Variants in LRRK2 observed in about 807,000 individuals in gnomAD.
The protein encoded by LRRK2 is leucine rich repeat kinase 2.
LRRK2 carries 203 observed loss-of-function variants against 302.6 expected under a neutral mutation model. That is an observed-to-expected ratio of 0.67 (90% CI 0.60 to 0.75). LRRK2 has a LOEUF of 0.75. Ranked by LOEUF, LRRK2 falls within the 30% of genes least tolerant of loss-of-function variation. LRRK2 has a pLI of 0.00. For missense variants in LRRK2, 2,830 were observed against 2,951.0 expected (o/e 0.96, Z 0.95); for synonymous variants, 1,066 against 1,031.9 (o/e 1.03, Z -0.63).
At chr12:40,254,714 G>A (rs1307120285) in intron 11 of LRRK2, among the ~76,000 whole-genome samples, 1 of 152,110 alleles carries the variant, frequency 6.6e-6, no homozygotes, top group East Asian at 1.9e-4. Flanking sequence ...GCTTCCTATT[G>A]TGGTGTCTGA....
Position 40,340,322 on chromosome 12 carries a change from C to A in LRRK2, c.5977C>A (p.Arg1993=). The stretch of plus-strand genomic sequence containing the variant: ...CCTCCACTCAGCCATGATTATATAC[C>A]GAGACCTGAAACCCCACAATGTGCT... ...RYLHSAMIIY[R]DLKPHNVLLF... Residue 1993 remains arginine, a synonymous_variant, in exon 41 of 51, where the codon CGA becomes AGA. Coordinates refer to ENST00000298910, the MANE Select transcript of LRRK2 (RefSeq NM_198578.4). 1 of 1,613,648 alleles carries A rather than the reference C, an allele frequency of 6.2e-7. No homozygotes were observed. Among genetic ancestry groups the A allele is most frequent in the South Asian group, 1.1e-5 (1 of 91,066 alleles).
At chr12:40,357,715 T>C (rs1946581680) in intron 46 of LRRK2, among the ~76,000 whole-genome samples, 1 of 152,220 alleles carries the variant, frequency 6.6e-6, no homozygotes, top group Admixed American at 6.5e-5. Context: ...TTTTTTTTCA[T>C]ATATCCATTG....
intron 41 of LRRK2, among the ~76,000 whole-genome samples, chr12:40,341,048 C>G (rs17520376): frequency 0.012 from 1,787 of 152,288 alleles, 40 homozygotes; most frequent in African/African-American, 0.041. Flanking sequence ...ACATCACTGT[C>G]TACCCTGTGG....
chr12:40,257,190 T>A, intron 11 of LRRK2, 58 bp from the exon 12 acceptor site: 1 of 1,261,726 alleles, frequency 7.9e-7, no homozygotes, highest in Non-Finnish European at 1.1e-6. Flanking sequence ...CTAAAGCTTA[T>A]GGTAAAATTA....
chr12:40,229,531 T>A (rs1459431114), intron 2 of LRRK2, among the ~76,000 whole-genome samples: 1 of 152,170 alleles, frequency 6.6e-6, no homozygotes, highest in Admixed American at 6.5e-5. Flanking sequence ...AAATTTTACA[T>A]CTCTTTATTC....
In LRRK2 at chr12:40,274,668, C is replaced by T. The variant is rs202191866; in HGVS notation, c.1742C>T (p.Ser581Phe). The T allele has an allele frequency of 1.2e-6, 2 of 1,613,934 alleles. No homozygotes were observed. The highest frequency in any genetic ancestry group is 1.7e-6 in the Non-Finnish European group (2 of 1,179,908). ...TTTCCTGATGCATTAGAGATGTTAT[C>T]CCTGGAAGGTGCTATGGATTCAGTG... Reference protein sequence around the residue: ...VHFPDALEMLSLEGAMDSVLH... With the variant: ...VHFPDALEMLFLEGAMDSVLH... Residue 581 changes from serine (S) to phenylalanine (F), a missense_variant, in exon 15 of 51, where the codon TCC becomes TTC. Physicochemically the swap from Ser to Phe is radical, Grantham distance 155 (BLOSUM62 -2). Around this residue, in one of 3 missense-constraint regions of LRRK2, gnomAD observed 2,121 missense variants for 2,148.0 expected, o/e 0.99. Transcript: ENST00000298910.
intron 46 of LRRK2, among the ~76,000 whole-genome samples, chr12:40,356,611 T>G (rs778178006): frequency 6.6e-6 from 1 of 152,224 alleles, no homozygotes; most frequent in Non-Finnish European, 1.5e-5. Context: ...ATTAAAGCAT[T>G]CATTTCTCTA....
intron 13 of LRRK2, among the ~76,000 whole-genome samples, chr12:40,262,351 T>C (rs566013654): frequency 3.3e-5 from 5 of 152,266 alleles, no homozygotes; most frequent in Middle Eastern, 3.4e-3. Flanking sequence ...TATTTTGGTA[T>C]TGTATGGACT....
intron 25 of LRRK2, among the ~76,000 whole-genome samples, chr12:40,301,316 C>T (rs769282358): frequency 1.3e-5 from 2 of 152,032 alleles, no homozygotes; most frequent in Admixed American, 1.3e-4. Flanking sequence ...CCCAGCTACT[C>T]GGGAGGCTGA....
At position 40,304,374 on chromosome 12, in the gene LRRK2, A is replaced by G. The variant is rs115595128; in HGVS notation, c.3777+240A>G. 831 of 574,734 alleles carry G rather than the reference A, an allele frequency of 1.4e-3. 4 individuals carry two copies. The highest frequency in any genetic ancestry group is 0.014 in the African/African-American group (753 of 53,290). The allele number at this position is 574,734 out of a possible 1,614,324, so 35.6% of individuals were successfully genotyped here. ...TCACACCGACAATTTAAAAAAATCT[A>G]CTTTTAAAAATAAGGTAGTAGCCTT... On this transcript the variant is annotated intron_variant, in intron 27 of 50. Coordinates refer to ENST00000298910, the MANE Select transcript of LRRK2 (RefSeq NM_198578.4).
At chr12:40,350,275 T>G (rs1946312785) in intron 43 of LRRK2, among the ~76,000 whole-genome samples, 1 of 152,170 alleles carries the variant, frequency 6.6e-6, no homozygotes, top group Admixed American at 6.5e-5. Context: ...TCCAAGAGTA[T>G]ACATTTATAT....
Position 40,305,797 on chromosome 12 carries a change from A to G in LRRK2, c.3790A>G (p.Ile1264Val). 1 of 1,613,180 alleles carries G rather than the reference A, an allele frequency of 6.2e-7. No individual in the cohort carries two copies. The highest frequency in any genetic ancestry group is 8.5e-7 in the Non-Finnish European group (1 of 1,179,646). The change falls in exon 28 of 51, where the codon ATT becomes GTT. Residue 1264 changes from isoleucine to valine, a missense_variant. Coordinates refer to ENST00000298910, the MANE Select transcript of LRRK2 (RefSeq NM_198578.4). ...HNKLKEIPPE[I>V]GCLENLTSLD... ...TTTTCCCATTAAGATTCCTCCTGAG[A>G]TTGGCTGTCTTGAAAATCTGACATC...
At chr12:40,358,695 G>T (rs553418447) in intron 46 of LRRK2, among the ~76,000 whole-genome samples, 1 of 150,768 alleles carries the variant, frequency 6.6e-6, no homozygotes, top group South Asian at 2.1e-4. Context: ...GATTGTTTTG[G>T]CTATTTTGGC....
intron 8 of LRRK2, 113 bp downstream of exon 8, chr12:40,250,058 C>T: frequency 7.7e-7 from 1 of 1,301,418 alleles, no homozygotes. Flanking sequence ...CTTTTCTGTC[C>T]TGTGTAGCTC....
At chr12:40,359,498 C>G in intron 47 of LRRK2, 54 bp downstream of exon 47, 1 of 1,417,512 alleles carries the variant, frequency 7.1e-7, no homozygotes, top group Non-Finnish European at 9.9e-7. Context: ...TTGTTTTTTC[C>G]TTATAATCAT....
intron 21 of LRRK2, among the ~76,000 whole-genome samples, 153 bp downstream of exon 21, chr12:40,293,816 T>C (rs1030905824): frequency 1.3e-5 from 2 of 151,652 alleles, no homozygotes; most frequent in Non-Finnish European, 2.9e-5. Flanking sequence ...GTAATAGATA[T>C]GAAAACATAT....
intron 4 of LRRK2, 143 bp downstream of exon 4, chr12:40,235,857 C>A: frequency 1.6e-6 from 1 of 611,690 alleles, no homozygotes; most frequent in Non-Finnish European, 2.8e-6. Context: ...CCTAAAATTG[C>A]ATCTGTTTTT....
chr12:40,334,898 T>C (rs963129842), intron 39 of LRRK2, 69 bp from the exon 40 acceptor site: 33 of 1,546,082 alleles, frequency 2.1e-5, no homozygotes, highest in Non-Finnish European at 2.7e-5. Flanking sequence ...GTTGATGCAC[T>C]TTAAAGAAGG....
intron 10 of LRRK2, among the ~76,000 whole-genome samples, chr12:40,252,692 C>T (rs1242129643): frequency 6.6e-6 from 1 of 152,194 alleles, no homozygotes; most frequent in East Asian, 1.9e-4. Context: ...CTCTCTGCTG[C>T]ATATGCTTTT....
Sources: gnomAD v4.1 joint callset for allele counts (sites outside exome capture counted in the v4.1 genomes callset) on GRCh38, gnomAD v4.1.1 for gene constraint, gnomAD v4.1.1 regional missense constraint, MANE v1.5 for transcripts, NCBI Gene and HGNC (gene_info 2026-07-23, HGNC 2026-07-21) for gene names.